Variants in KCNQ3 observed in about 807,000 individuals in gnomAD.
KCNQ3 encodes potassium voltage-gated channel subfamily Q member 3.
KCNQ3 carries 30 observed loss-of-function variants against 92.5 expected under a neutral mutation model. The observed-to-expected ratio is 0.32, with a 90% CI of 0.24 to 0.44. The LOEUF (loss-of-function observed/expected upper bound fraction) is 0.44. Among genes scored for constraint, KCNQ3 ranks in the 20% least tolerant of loss-of-function variants. KCNQ3 has a pLI of 1.00. For missense variants in KCNQ3, 913 were observed against 1,140.3 expected, an observed-to-expected ratio of 0.80 and a Z score of 2.87; for synonymous variants, 450 against 468.8, an observed-to-expected ratio of 0.96 and a Z score of 0.52.
chr8:132,479,250 G>T (rs1822486439), intron 1 of KCNQ3, among the ~76,000 whole-genome samples: 1 of 152,010 alleles, frequency 6.6e-6, no homozygotes, highest in South Asian at 2.1e-4. Flanking sequence ...CTTCCTTCTG[G>T]CCATGCATTT....
At chr8:132,135,899 C>T (rs1459545456) in intron 12 of KCNQ3, among the ~76,000 whole-genome samples, 2 of 151,856 alleles carry the variant, frequency 1.3e-5, no homozygotes, top group African/African-American at 2.4e-5. Context: ...GAGGCTGAAT[C>T]ACCTGAGGTC....
intron 1 of KCNQ3, among the ~76,000 whole-genome samples, chr8:132,404,621 A>G (rs1044044595): frequency 6.6e-6 from 1 of 152,134 alleles, no homozygotes; most frequent in Non-Finnish European, 1.5e-5. Context: ...TTGCCTAGCC[A>G]GCCCCCGACA....
chr8:132,137,829 C>T, intron 12 of KCNQ3, 56 bp downstream of exon 12: 6 of 1,594,260 alleles, frequency 3.8e-6, no homozygotes, highest in Non-Finnish European at 5.2e-6. Flanking sequence ...ACCTTAAACT[C>T]TAAGGTTCAT....
chr8:132,392,011 T>G (rs946734366), intron 1 of KCNQ3, among the ~76,000 whole-genome samples: 17 of 152,186 alleles, frequency 1.1e-4, no homozygotes, highest in Non-Finnish European at 2.2e-4. Flanking sequence ...TGTGTGCTCA[T>G]TTTTATCGGC....
chr8:132,295,052 T>C (rs191179981), intron 1 of KCNQ3, among the ~76,000 whole-genome samples: 3 of 152,258 alleles, frequency 2.0e-5, no homozygotes, highest in African/African-American at 7.2e-5. Flanking sequence ...GGATCTAAAC[T>C]AAAGAGCTTC....
At chr8:132,227,058 C>CTTTTT (rs1563813401) in intron 1 of KCNQ3, among the ~76,000 whole-genome samples, 3 of 88,662 alleles carry the variant, frequency 3.4e-5, no homozygotes, top group Non-Finnish European at 2.3e-5. Flanking sequence ...ACATATCTCA[C>CTTTTT]TCTTTTTTTT....
chr8:132,248,985 A>G (rs1380064211), intron 1 of KCNQ3, among the ~76,000 whole-genome samples: 2 of 152,068 alleles, frequency 1.3e-5, no homozygotes, highest in Admixed American at 1.3e-4. Flanking sequence ...ACAGTTCTGA[A>G]AGATGGTGTG....
chr8:132,137,848 G>A lies in KCNQ3; in HGVS notation c.1700+37C>T, dbSNP rs148855359. 4.8e-4 allele frequency: 773 copies of A among 1,611,712 alleles called. 4 individuals are homozygous for A. The African/African-American group carries it at 9.0e-3, about 19-fold the overall frequency. On this transcript the variant is annotated intron_variant, in intron 12 of 14. Coordinates refer to ENST00000388996, the MANE Select transcript of KCNQ3 (RefSeq NM_004519.4). ...TAAACTCTAAGGTTCATAGGGCTTTGAGGGGAGCGCAGTCCCTCCAGATGT... is the reference window on the plus strand; with the variant it reads ...TAAACTCTAAGGTTCATAGGGCTTTAAGGGGAGCGCAGTCCCTCCAGATGT...
intron 1 of KCNQ3, among the ~76,000 whole-genome samples, chr8:132,221,648 C>A (rs1814241255): frequency 6.6e-6 from 1 of 152,134 alleles, no homozygotes; most frequent in Non-Finnish European, 1.5e-5. Flanking sequence ...CCTTTGCCCA[C>A]TTTTTGGTGG....
chr8:132,204,682 G>C (rs953069080), intron 1 of KCNQ3, among the ~76,000 whole-genome samples: 1 of 152,166 alleles, frequency 6.6e-6, no homozygotes, highest in Admixed American at 6.5e-5. Flanking sequence ...GGTAGATCTA[G>C]GTTTAACTTC....
intron 1 of KCNQ3, among the ~76,000 whole-genome samples, chr8:132,270,131 A>G (rs1281043068): frequency 3.8e-5 from 1 of 26,504 alleles, no homozygotes; most frequent in African/African-American, 7.5e-5. Context: ...GATTTTCCTG[A>G]AAAAAAAAAA....
intron 1 of KCNQ3, among the ~76,000 whole-genome samples, chr8:132,404,461 G>C (rs1423095878): frequency 1.3e-5 from 2 of 152,166 alleles, no homozygotes; most frequent in African/African-American, 4.8e-5. Flanking sequence ...AGATAATCAG[G>C]GTGGGTCTAA....
intron 1 of KCNQ3, among the ~76,000 whole-genome samples, chr8:132,255,568 G>A (rs1405890648): frequency 6.6e-6 from 1 of 152,182 alleles, no homozygotes; most frequent in African/African-American, 2.4e-5. Context: ...AAAGACCCGA[G>A]AGAGCCCTAA....
Position 132,141,194 on chromosome 8 carries a change from T to C in KCNQ3, c.1400A>G (p.Asn467Ser). The C allele has an allele frequency of 6.2e-7, 1 of 1,614,222 alleles. No individual in the cohort carries two copies. Among genetic ancestry groups the C allele is most frequent in the Non-Finnish European group, 8.5e-7 (1 of 1,180,030 alleles). The change falls in exon 10 of 15, where the codon AAC becomes AGC. Residue 467 changes from asparagine to serine, a missense_variant. Physicochemically the swap from Asn to Ser is conservative, Grantham distance 46. Coordinates refer to ENST00000388996, the MANE Select transcript of KCNQ3 (RefSeq NM_004519.4). ...GGCCGTGCGGAAACGCTCTTTATTG[T>C]TTAAGCCAACAGGCTTTGGTTCTTT... Reference protein sequence around the residue: ...PSKEPKPVGLNNKERFRTAFR... With the variant: ...PSKEPKPVGLSNKERFRTAFR...
chr8:132,418,710 G>A (rs1156722768), intron 1 of KCNQ3, among the ~76,000 whole-genome samples: 6 of 152,120 alleles, frequency 3.9e-5, no homozygotes, highest in Admixed American at 3.9e-4. Flanking sequence ...CACTTGAGCT[G>A]GAGAAGCAGA....
chr8:132,428,637 T>G (rs1160755195), intron 1 of KCNQ3, among the ~76,000 whole-genome samples: 1 of 152,162 alleles, frequency 6.6e-6, no homozygotes, highest in Admixed American at 6.5e-5. Flanking sequence ...TTTTATTAGG[T>G]TTTAAAAATA....
At chr8:132,407,933 G>C (rs966840942) in intron 1 of KCNQ3, among the ~76,000 whole-genome samples, 10 of 152,170 alleles carry the variant, frequency 6.6e-5, no homozygotes, top group Admixed American at 2.6e-4. Context: ...TCCATTACAT[G>C]ATGGGGTGGA....
intron 1 of KCNQ3, among the ~76,000 whole-genome samples, chr8:132,248,456 A>G (rs1202501239): frequency 1.3e-5 from 2 of 152,146 alleles, no homozygotes; most frequent in African/African-American, 4.8e-5. Flanking sequence ...TTGAAAATGA[A>G]AAGTGACTAG....
At chr8:132,242,277 G>T (rs1305030700) in intron 1 of KCNQ3, among the ~76,000 whole-genome samples, 1 of 152,190 alleles carries the variant, frequency 6.6e-6, no homozygotes, top group East Asian at 1.9e-4. Context: ...AGGACACTGT[G>T]CAGGGAATTA....
Sources: allele counts gnomAD v4.1 joint callset (sites outside exome capture counted in the v4.1 genomes callset), GRCh38; gene constraint gnomAD v4.1.1; transcripts MANE v1.5; gene names NCBI Gene and HGNC (gene_info 2026-07-23, HGNC 2026-07-21).